CASKIN1: variants seen among roughly 807,000 people sequenced by gnomAD.
CASKIN1 encodes the protein CASK interacting protein 1.
CASKIN1 carries 42 observed loss-of-function variants against 117.5 expected under a neutral mutation model. That is an observed-to-expected ratio of 0.36 (90% CI 0.28 to 0.46). The LOEUF (loss-of-function observed/expected upper bound fraction) is 0.46. Ranked by LOEUF, CASKIN1 falls within the 20% of genes least tolerant of loss-of-function variation. The probability of loss-of-function intolerance (pLI) is 1.00; values close to 1 mark genes in which losing one functional copy is unlikely to be tolerated. For missense variants in CASKIN1, 2,083 were observed against 2,077.3 expected (o/e 1.00, Z -0.05); for synonymous variants, 1,148 against 961.7 (o/e 1.19, Z -3.59).
In CASKIN1 at chr16:2,196,151, G is replaced by A. The variant is rs1256101063; in HGVS notation, c.94+188C>T. ...GCTCACGGTGGCGGCCGGCTCTCGGGGCCGCCCCATCTCCAGTGCTGGGGG... is the reference window on the plus strand; with the variant it reads ...GCTCACGGTGGCGGCCGGCTCTCGGAGCCGCCCCATCTCCAGTGCTGGGGG... On this transcript the variant is annotated intron_variant, in intron 1 of 19. Coordinates refer to ENST00000343516, the MANE Select transcript of CASKIN1 (RefSeq NM_020764.4). The surrounding 1 kb of genome is among the most constrained non-coding windows in gnomAD (Gnocchi z 5.7). Among the ~76,000 whole-genome samples, 1 of 151,924 alleles carries A rather than the reference G, an allele frequency of 6.6e-6. No homozygotes were observed. Among genetic ancestry groups the A allele is most frequent in the African/African-American group, 2.4e-5 (1 of 41,416 alleles).
At chr16:2,178,701 A>T in intron 19 of CASKIN1, 55 bp from the exon 20 acceptor site, 1 of 1,478,612 alleles carries the variant, frequency 6.8e-7, no homozygotes, top group Non-Finnish European at 9.1e-7. Flanking sequence ...GGCCACGCCC[A>T]CCCCGACCAG....
intron 16 of CASKIN1, among the ~76,000 whole-genome samples, chr16:2,183,116 G>A (rs1027916679): frequency 3.3e-5 from 5 of 152,250 alleles, no homozygotes; most frequent in Non-Finnish European, 7.3e-5. Flanking sequence ...GATTGGCCAT[G>A]GCGTGTGCAG....
At position 2,184,999 on chromosome 16, in the gene CASKIN1, C is replaced by T. The variant is rs770674177; in HGVS notation, c.1276G>A (p.Glu426Lys). The T allele has an allele frequency of 2.5e-6, 4 of 1,609,252 alleles. No individual in the cohort carries two copies. The South Asian group carries it at 4.4e-5, about 18-fold the overall frequency. ...GCGGGGCTGTCCCCCGGGCCGGACT[C>T]AGAGACGGACTTCTGGGAAAGCACC... is the stretch of plus-strand genomic sequence containing the variant. The part of the protein sequence containing the change: ...ATVLSQKSVS[E>K]SGPGDSPAKP... The change falls in exon 13 of 20, where the codon GAG (glutamate) becomes AAG (lysine). Residue 426 changes from glutamate (E) to lysine (K), a missense_variant. Glu to Lys is a moderately conservative substitution (Grantham distance 56). Transcript: ENST00000343516.
At chr16:2,184,650 G>C in intron 14 of CASKIN1, 127 bp downstream of exon 14, 2 of 678,376 alleles carry the variant, frequency 2.9e-6, no homozygotes, top group Non-Finnish European at 4.6e-6. Flanking sequence ...AGAGGAGAGG[G>C]TCTGGCCTGG....
rs1307412714 is a variant in CASKIN1 at position 2,179,339 on chromosome 16, C to A, written c.3776-14G>T. The A allele has an allele frequency of 1.5e-6, 2 of 1,293,644 alleles. No homozygotes were observed. Among genetic ancestry groups the A allele is most frequent in the African/African-American group, 1.6e-5 (1 of 64,382 alleles). The allele number at this position is 1,293,644 out of a possible 1,614,324, so 80.1% of individuals were successfully genotyped here. On this transcript the variant is annotated splice_polypyrimidine_tract_variant and intron_variant, in intron 18 of 19. Coordinates refer to ENST00000343516, the MANE Select transcript of CASKIN1 (RefSeq NM_020764.4). The surrounding 1 kb of genome is among the most constrained non-coding windows in gnomAD (Gnocchi z 5.8). ...CGCGCTTCACCTCTGCGGGGAGGAC[C>A]ACGCTGGCACCGAGCGGGCACGAGT...
chr16:2,181,316 G>T lies in CASKIN1; in HGVS notation c.2052C>A (p.Pro684=). Residue 684 remains proline, a synonymous_variant, in exon 18 of 20, where the codon CCC becomes CCA. Transcript: ENST00000343516. ...CCTGCCGCGTGGTGGCCCTCGGGGT[G>T]GGTGGCAGGTGGCTGGAGGGCTTCT... ...TTEKPSSHLP[P]TPRATTRQDS... is the part of the protein sequence containing the mutation. 1 of 1,605,044 alleles carries T rather than the reference G, an allele frequency of 6.2e-7. No individual in the cohort carries two copies. The highest frequency in any genetic ancestry group is 8.5e-7 in the Non-Finnish European group (1 of 1,178,732).
In CASKIN1 at chr16:2,179,795, C is replaced by A. The variant is rs1346439905; in HGVS notation, c.3573G>T (p.Leu1191=). 2.5e-6 allele frequency: 4 copies of A among 1,574,020 alleles called. No individual in the cohort carries two copies. The South Asian group carries it at 4.6e-5, about 18-fold the overall frequency. Residue 1191 remains leucine (L), a synonymous_variant, in exon 18 of 20, where the codon CTG becomes CTT. Coordinates refer to ENST00000343516, the MANE Select transcript of CASKIN1 (RefSeq NM_020764.4). The surrounding 1 kb of genome is among the most constrained non-coding windows in gnomAD (Gnocchi z 5.8). The part of the protein sequence containing the change: ...PASEQAGPPE[L]PPPPPPAEPP... ...GTTCGGCAGGCGGGGGCGGTGGAGG[C>A]AGCTCCGGAGGCCCAGCCTGCTCCG...
intron 3 of CASKIN1, 110 bp downstream of exon 3, chr16:2,189,963 C>G: frequency 2.0e-6 from 2 of 996,866 alleles, no homozygotes; most frequent in Non-Finnish European, 2.9e-6. Flanking sequence ...TGCCTGAAAT[C>G]AGACTGAGAC....
At chr16:2,189,676 G>A (rs1379263864) in intron 3 of CASKIN1, 112 bp from the exon 4 acceptor site, 1 of 1,079,034 alleles carries the variant, frequency 9.3e-7, no homozygotes, top group African/African-American at 1.6e-5. Flanking sequence ...TGGGGGGTGG[G>A]AGGGCGCTAG....
At chr16:2,189,653 C>T in intron 3 of CASKIN1, 89 bp from the exon 4 acceptor site, 5 of 1,357,956 alleles carry the variant, frequency 3.7e-6, no homozygotes, top group South Asian at 1.4e-5. Flanking sequence ...ACCCCTGACC[C>T]CAAGTCCAAC....
Position 2,181,040 on chromosome 16 carries a change from G to T in CASKIN1, c.2328C>A (p.Pro776=). ...VLPPGTSHFT[P]PQTPTKTRPG... Reference sequence around the variant, plus strand: ...GTCGGGTTTTGGTGGGCGTCTGGGGGGGCGTGAAGTGGCTAGTGCCTGGTG... The same window carrying T: ...GTCGGGTTTTGGTGGGCGTCTGGGGTGGCGTGAAGTGGCTAGTGCCTGGTG... The change falls in exon 18 of 20, where the codon CCC becomes CCA. Residue 776 remains proline (P), a synonymous_variant. Transcript: ENST00000343516. 6.7e-7 allele frequency: 1 copy of T among 1,487,326 alleles called. No individual in the cohort carries two copies. 92.1% of individuals were successfully genotyped at this position (1,487,326 alleles called of 1,614,324 possible). A position where few individuals can be genotyped will look rare whatever the true frequency, so the allele number is the denominator to read the frequency against.
chr16:2,187,092 C>T lies in CASKIN1; in HGVS notation c.836-20G>A, dbSNP rs377537725. 3.7e-6 allele frequency: 6 copies of T among 1,612,624 alleles called. No individual in the cohort carries two copies. In the African/African-American group the frequency reaches 6.7e-5, roughly 18 times the overall value. ...AGGCCTCTGGGGATACAGGAGGGGGCCCCCGAAGTCCTGCGGGCTGATCTG... is the reference window on the plus strand; with the variant it reads ...AGGCCTCTGGGGATACAGGAGGGGGTCCCCGAAGTCCTGCGGGCTGATCTG... On this transcript the variant is annotated intron_variant, in intron 8 of 19. Transcript: ENST00000343516.
chr16:2,194,078 A>G (rs2093208683), intron 1 of CASKIN1, among the ~76,000 whole-genome samples: 1 of 152,172 alleles, frequency 6.6e-6, no homozygotes, highest in Non-Finnish European at 1.5e-5. Flanking sequence ...TCTCACTGCT[A>G]TCCTGAGCCT....
chr16:2,179,162 C>T lies in CASKIN1; in HGVS notation c.3939G>A (p.Lys1313=), dbSNP rs1567257113. ...PARQPPAALA[K]PPGTPPSLGA... ...CCAGCGAGGGCGGCGTACCGGGCGG[C>T]TTGGCGAGGGCGGCGGGCGGCTGTC... is the stretch of plus-strand genomic sequence containing the variant. Residue 1313 remains lysine (K), a synonymous_variant, in exon 19 of 20, where the codon AAG becomes AAA. Coordinates refer to ENST00000343516, the MANE Select transcript of CASKIN1 (RefSeq NM_020764.4). This position sits in a 1 kb window ranked among gnomAD's most constrained non-coding sequence, Gnocchi z 5.8. The T allele has an allele frequency of 3.7e-6, 4 of 1,092,072 alleles. No individual in the cohort carries two copies. In the East Asian group the frequency reaches 1.6e-4, roughly 45 times the overall value. The allele number at this position is 1,092,072 out of a possible 1,614,324, so 67.6% of individuals were successfully genotyped here. A position where few individuals can be genotyped will look rare whatever the true frequency, so the allele number is the denominator to read the frequency against.
intron 14 of CASKIN1, 107 bp from the exon 15 acceptor site, chr16:2,184,048 G>GC (rs1567260436): frequency 1.5e-6 from 1 of 686,192 alleles, no homozygotes; most frequent in African/African-American, 1.8e-5. Context: ...CACTGCGTCC[G>GC]CCGTCCGCTG....
In CASKIN1 at chr16:2,178,391, T is replaced by G; in HGVS notation, c.*159A>C. 1 of 479,266 alleles carries G rather than the reference T, an allele frequency of 2.1e-6. No homozygotes were observed. The allele number at this position is 479,266 out of a possible 1,614,324, so 29.7% of individuals were successfully genotyped here. A position where few individuals can be genotyped will look rare whatever the true frequency, so the allele number is the denominator to read the frequency against. On this transcript the variant is annotated 3_prime_UTR_variant, in exon 20 of 20. Transcript: ENST00000343516. Reference sequence around the variant, plus strand: ...GCCCTTGGAGCCCCCGGCCAGGCGGTCCCCGGTGGGCGCCCCGGCCCGGGT... The same window carrying G: ...GCCCTTGGAGCCCCCGGCCAGGCGGGCCCCGGTGGGCGCCCCGGCCCGGGT...
chr16:2,180,032 G>A lies in CASKIN1; in HGVS notation c.3336C>T (p.Gly1112=). 1 of 1,586,958 alleles carries A rather than the reference G, an allele frequency of 6.3e-7. No individual in the cohort carries two copies. The highest frequency in any genetic ancestry group is 8.6e-7 in the Non-Finnish European group (1 of 1,166,324). The change falls in exon 18 of 20, where the codon GGC becomes GGT. Residue 1112 remains glycine, a synonymous_variant. Coordinates refer to ENST00000343516, the MANE Select transcript of CASKIN1 (RefSeq NM_020764.4). ...TGGCTTCCACCTTGGCCAAGGGCGG[G>A]CCTTCGACACCCGCCTCGCCCTTGG... The part of the protein sequence containing the change: ...GPSKGEAGVE[G]PPLAKVEASA...
chr16:2,186,545 C>T (rs546851620), intron 10 of CASKIN1, among the ~76,000 whole-genome samples, 162 bp downstream of exon 10: 10 of 152,258 alleles, frequency 6.6e-5, no homozygotes, highest in African/African-American at 1.2e-4. Flanking sequence ...TGGGAACGGA[C>T]GAGGAGACGG....
chr16:2,189,240 C>T lies in CASKIN1; in HGVS notation c.484G>A (p.Gly162Arg), dbSNP rs779988918. Residue 162 changes from glycine to arginine, a missense_variant and splice_region_variant, in exon 5 of 20, where the codon GGG becomes AGG. By Grantham distance (125) the Gly-to-Arg change is moderately radical (BLOSUM62 -2). This residue lies in a region of CASKIN1 where 203 missense variants were observed against 338.7 expected (regional missense o/e 0.60). Transcript: ENST00000343516. Reference sequence around the variant, plus strand: ...ACAGGGCTCCACAGGAGACTCACCCCAACGCGGCCGAACTCGCAGGCCAGG... The same window carrying T: ...ACAGGGCTCCACAGGAGACTCACCCTAACGCGGCCGAACTCGCAGGCCAGG... ...LDLACEFGRVGVVQLLLSSNM... is the reference protein window; with the variant it reads ...LDLACEFGRVRVVQLLLSSNM... The T allele has an allele frequency of 1.8e-5, 29 of 1,613,124 alleles. No homozygotes were observed. Among genetic ancestry groups the T allele is most frequent in the African/African-American group, 2.7e-5 (2 of 74,906 alleles).
Sources: gnomAD v4.1 joint callset for allele counts (sites outside exome capture counted in the v4.1 genomes callset) on GRCh38, gnomAD v4.1.1 for gene constraint, gnomAD v4.1.1 regional missense constraint, Gnocchi (gnomAD v3.1) non-coding constraint, MANE v1.5 for transcripts, NCBI Gene and HGNC (gene_info 2026-07-23, HGNC 2026-07-21) for gene names.